Variants in ZBTB20 observed in about 807,000 individuals in gnomAD.
ZBTB20 encodes zinc finger and BTB domain containing 20.
Under a neutral mutation model 56.9 loss-of-function variants are expected in ZBTB20, and 9 were observed. That is an observed-to-expected ratio of 0.16 (90% CI 0.10 to 0.28). The LOEUF is 0.28. Ranked by LOEUF, ZBTB20 falls within the 10% of genes least tolerant of loss-of-function variation. ZBTB20 has a pLI of 1.00. For missense variants in ZBTB20, 655 were observed against 1,003.0 expected (o/e 0.65, Z 4.69); for synonymous variants, 417 against 420.7 (o/e 0.99, Z 0.11).
At chr3:114,641,420 T>C (rs577840248) in intron 6 of ZBTB20, among the ~76,000 whole-genome samples, 1 of 151,846 alleles carries the variant, frequency 6.6e-6, no homozygotes, top group East Asian at 1.9e-4. Flanking sequence ...TTGTTAGTAG[T>C]ATAATATATA....
chr3:114,893,881 CT>C (rs2074744628), intron 4 of ZBTB20, among the ~76,000 whole-genome samples: 1 of 152,134 alleles, frequency 6.6e-6, no homozygotes, highest in South Asian at 2.1e-4. Context: ...TGTCCAAAAG[CT>C]TTATCAGGTT....
chr3:114,549,445 C>G (rs944938867), intron 6 of ZBTB20, among the ~76,000 whole-genome samples: 3 of 152,062 alleles, frequency 2.0e-5, no homozygotes, highest in Admixed American at 6.6e-5. Flanking sequence ...TATATCTTTA[C>G]TGCTAATTTT....
intron 5 of ZBTB20, among the ~76,000 whole-genome samples, chr3:114,753,248 GTATATAATGTATATATGTATACCTGTA>G (rs71146334): frequency 0.075 from 4,425 of 59,106 alleles, 1,298 homozygotes; most frequent in East Asian, 0.12. Flanking sequence ...ATGTATACCT[GTATATAATGTATATATGTATACCTGTA>G]TATATAATGT....
chr3:115,121,122 C>G (rs1311978730), intron 1 of ZBTB20, among the ~76,000 whole-genome samples: 1 of 152,052 alleles, frequency 6.6e-6, no homozygotes, highest in Non-Finnish European at 1.5e-5. Flanking sequence ...ACCCGTTGAG[C>G]TACGGTCAGT....
chr3:114,904,762 TAAGAAAG>T (rs1404162212), intron 3 of ZBTB20, among the ~76,000 whole-genome samples: 2 of 151,764 alleles, frequency 1.3e-5, no homozygotes, highest in African/African-American at 4.8e-5. Context: ...TATCTGCCTA[TAAGAAAG>T]AGGAAGTATG....
chr3:114,859,100 A>G (rs897979317), intron 4 of ZBTB20, among the ~76,000 whole-genome samples: 1 of 151,794 alleles, frequency 6.6e-6, no homozygotes, highest in Middle Eastern at 3.4e-3. Context: ...TTTTAAAAAA[A>G]CAGAAAATGC....
intron 4 of ZBTB20, among the ~76,000 whole-genome samples, chr3:114,834,843 T>C (rs1032612557): frequency 2.6e-5 from 4 of 152,174 alleles, no homozygotes; most frequent in Non-Finnish European, 5.9e-5. Context: ...GCCTGGATTT[T>C]TTTTATCTTT....
At chr3:114,808,266 T>G (rs1230628006) in intron 4 of ZBTB20, among the ~76,000 whole-genome samples, 2 of 152,032 alleles carry the variant, frequency 1.3e-5, no homozygotes, top group African/African-American at 4.8e-5. Flanking sequence ...ATTGTCTAAT[T>G]GTTAAGCAAT....
At chr3:114,405,503 T>G (rs1273793652) in intron 7 of ZBTB20, among the ~76,000 whole-genome samples, 3 of 152,114 alleles carry the variant, frequency 2.0e-5, no homozygotes, top group Admixed American at 6.6e-5. Context: ...TGATATATCT[T>G]GAGAGTAAAA....
intron 6 of ZBTB20, among the ~76,000 whole-genome samples, chr3:114,660,204 T>C (rs2060642107): frequency 6.6e-6 from 1 of 152,200 alleles, no homozygotes; most frequent in South Asian, 2.1e-4. Context: ...GTTTGAGTGA[T>C]AGTTCTGCTC....
intron 5 of ZBTB20, among the ~76,000 whole-genome samples, chr3:114,769,588 T>C (rs2108736191): frequency 1.1e-5 from 1 of 92,942 alleles, no homozygotes; most frequent in East Asian, 3.7e-4. Flanking sequence ...TATATATATA[T>C]ATATATATAA....
intron 3 of ZBTB20, among the ~76,000 whole-genome samples, chr3:114,929,361 G>C (rs2076274146): frequency 6.6e-6 from 1 of 152,212 alleles, no homozygotes; most frequent in East Asian, 1.9e-4. Context: ...CTACTGGGCA[G>C]AAGGCCAGGA....
At chr3:114,480,208 A>G (rs2041367107) in intron 7 of ZBTB20, among the ~76,000 whole-genome samples, 2 of 152,154 alleles carry the variant, frequency 1.3e-5, no homozygotes, top group South Asian at 4.1e-4. Flanking sequence ...TCAGCACAGA[A>G]GTGATTTTTT....
At chr3:114,967,427 T>G (rs1024574760) in intron 3 of ZBTB20, among the ~76,000 whole-genome samples, 2 of 152,222 alleles carry the variant, frequency 1.3e-5, no homozygotes, top group African/African-American at 4.8e-5. Context: ...CTTTCTGGTA[T>G]GTACTGTACT....
intron 5 of ZBTB20, among the ~76,000 whole-genome samples, chr3:114,754,621 C>T (rs989624706): frequency 1.3e-5 from 2 of 152,018 alleles, no homozygotes; most frequent in Non-Finnish European, 2.9e-5. Flanking sequence ...CATAATTATT[C>T]TAGTTATGAG....
At chr3:114,489,183 G>T (rs928883661) in intron 7 of ZBTB20, among the ~76,000 whole-genome samples, 5 of 152,004 alleles carry the variant, frequency 3.3e-5, no homozygotes, top group African/African-American at 4.8e-5. Flanking sequence ...TTAAAAATTA[G>T]AACTTTTATT....
intron 6 of ZBTB20, among the ~76,000 whole-genome samples, chr3:114,595,175 A>C (rs2056203510): frequency 6.6e-6 from 1 of 152,166 alleles, no homozygotes; most frequent in African/African-American, 2.4e-5. Context: ...CAACACTCCA[A>C]AGGGAACTTC....
intron 5 of ZBTB20, among the ~76,000 whole-genome samples, chr3:114,711,839 A>G (rs548171064): frequency 1.3e-5 from 2 of 152,326 alleles, no homozygotes; most frequent in Non-Finnish European, 2.9e-5. Context: ...GAACAAACTA[A>G]TCCATGAAGC....
At chr3:114,867,275 G>GAAA (rs2075804819) in intron 4 of ZBTB20, among the ~76,000 whole-genome samples, 3 of 152,244 alleles carry the variant, frequency 2.0e-5, no homozygotes, top group African/African-American at 7.2e-5. Flanking sequence ...ATATCAAGAA[G>GAAA]AAAAGCCACT....
Sources: gnomAD v4.1 joint callset for allele counts (sites outside exome capture counted in the v4.1 genomes callset) on GRCh38, gnomAD v4.1.1 for gene constraint, MANE v1.5 for transcripts, NCBI Gene and HGNC (gene_info 2026-07-23, HGNC 2026-07-21) for gene names.